Variants in SCUBE2 observed in about 807,000 individuals in gnomAD.
SCUBE2 encodes signal peptide, CUB domain and EGF like domain containing 2, also known as signal peptide, CUB and EGF-like domain-containing protein 2.
SCUBE2 carries 114 observed loss-of-function variants against 125.9 expected under a neutral mutation model. The observed-to-expected ratio is 0.91, with a 90% confidence interval of 0.78 to 1.06. The LOEUF (loss-of-function observed/expected upper bound fraction) is 1.06. Among genes scored for constraint, SCUBE2 ranks in the 50% least tolerant of loss-of-function variants. The pLI, the probability that SCUBE2 is intolerant of heterozygous loss-of-function variation, is 0.00. For missense variants in SCUBE2, 1,255 were observed against 1,301.8 expected (o/e 0.96, Z 0.55); for synonymous variants, 459 against 492.9 (o/e 0.93, Z 0.91).
intron 15 of SCUBE2, 129 bp downstream of exon 15, chr11:9,047,814 G>A (rs1396040756): frequency 2.5e-6 from 3 of 1,177,606 alleles, no homozygotes; most frequent in South Asian, 1.5e-5. Flanking sequence ...TTAGTTTCGG[G>A]GTGAAAAAAA....
At chr11:9,070,145 G>C (rs1860640104) in intron 4 of SCUBE2, among the ~76,000 whole-genome samples, 1 of 140,482 alleles carries the variant, frequency 7.1e-6, no homozygotes, top group Non-Finnish European at 1.5e-5. Flanking sequence ...AGGGAGAGAA[G>C]AGACAGAGAG....
chr11:9,066,734 T>A lies in SCUBE2; in HGVS notation c.723A>T (p.Pro241=), dbSNP rs1257226190. The change falls in exon 6 of 23, where the codon CCA becomes CCT. Residue 241 remains proline (P), a synonymous_variant. Coordinates refer to ENST00000649792, the MANE Select transcript of SCUBE2 (RefSeq NM_001367977.2). ...TADGPECSCH[P]QYKMHTDGRS... ...TCCCATCTGTGTGCATCTTGTACTG[T>A]GGATGGCAGCTGCACTCTGGGCCAT... is the stretch of plus-strand genomic sequence containing the variant. 2 of 1,614,174 alleles carry A rather than the reference T, an allele frequency of 1.2e-6. No homozygotes were observed. The highest frequency in any genetic ancestry group is 1.7e-6 in the Non-Finnish European group (2 of 1,180,004).
At chr11:9,034,402 T>C (rs984640786) in intron 16 of SCUBE2, among the ~76,000 whole-genome samples, 1 of 152,164 alleles carries the variant, frequency 6.6e-6, no homozygotes, top group African/African-American at 2.4e-5. Context: ...TTGGATTTTA[T>C]TGTCACAGGT....
intron 20 of SCUBE2, chr11:9,026,068 C>A: frequency 3.9e-6 from 2 of 506,900 alleles, no homozygotes; most frequent in Non-Finnish European, 6.9e-6. Flanking sequence ...CCTGAAAGAC[C>A]TGGGGCTTGG....
chr11:9,075,205 TAAAAAAAAA>T (rs5789594), intron 3 of SCUBE2, among the ~76,000 whole-genome samples: 4 of 123,950 alleles, frequency 3.2e-5, no homozygotes, highest in African/African-American at 1.3e-4. Context: ...AGACGCCATC[TAAAAAAAAA>T]AAAAAAAAAA....
At chr11:9,030,328 A>C (rs1057244441) in intron 18 of SCUBE2, 2 of 483,848 alleles carry the variant, frequency 4.1e-6, no homozygotes, top group Non-Finnish European at 7.5e-6. Context: ...GTCTTCATGC[A>C]GAGCACGTCT....
At chr11:9,030,078 AAAAG>A (rs1856169358) in intron 18 of SCUBE2, 33 bp from the exon 19 acceptor site, 3 of 1,595,564 alleles carry the variant, frequency 1.9e-6, no homozygotes, top group Non-Finnish European at 1.7e-6. Flanking sequence ...AAGAATGAAA[AAAAG>A]AAAGATTATT....
intron 13 of SCUBE2, among the ~76,000 whole-genome samples, chr11:9,052,536 C>T (rs190155543): frequency 6.0e-4 from 92 of 152,336 alleles, no homozygotes; most frequent in African/African-American, 2.1e-3. Context: ...AGCCTCCTGA[C>T]ACACAGTGGC....
intron 16 of SCUBE2, among the ~76,000 whole-genome samples, chr11:9,036,577 C>T (rs541644782): frequency 6.6e-5 from 10 of 152,312 alleles, no homozygotes; most frequent in East Asian, 1.9e-4. Context: ...TACTCATCCA[C>T]GGAAGGGAAA....
At position 9,021,294 on chromosome 11, in the gene SCUBE2, T is replaced by TG. The variant is rs1201027894; in HGVS notation, c.2935-98dup. ...AATGACCCAGTATTAGGCCGTAGCT[T>TG]GCTTAGCTGAAAAACACTTGCAAAA... is the stretch of plus-strand genomic sequence containing the variant. On this transcript the variant is annotated intron_variant, in intron 22 of 22. Coordinates refer to ENST00000649792, the MANE Select transcript of SCUBE2 (RefSeq NM_001367977.2). The TG allele has an allele frequency of 4.8e-6, 5 of 1,042,216 alleles. No individual in the cohort carries two copies. In the African/African-American group the frequency reaches 8.2e-5, roughly 17 times the overall value. The allele number at this position is 1,042,216 out of a possible 1,614,324, so 64.6% of individuals were successfully genotyped here.
In SCUBE2 at chr11:9,047,518, G is replaced by A. The variant is rs1375971795; in HGVS notation, c.1840C>T (p.Leu614Phe). 6.2e-7 allele frequency: 1 copy of A among 1,614,026 alleles called. No individual in the cohort carries two copies. The highest frequency in any genetic ancestry group is 1.1e-5 in the South Asian group (1 of 91,056). The change falls in exon 16 of 23, where the codon CTC becomes TTC. Residue 614 changes from leucine (L) to phenylalanine (F), a missense_variant. Physicochemically the swap from Leu to Phe is conservative, Grantham distance 22. Transcript: ENST00000649792. ...CTGAGCGTGCGGATGGCTTTACGGA[G>A]CCGCTTCTCGGTTCGCTTTACGATG... is the stretch of plus-strand genomic sequence containing the variant. Reference protein sequence around the residue: ...SCIVKRTEKRLRKAIRTLRKA... With the variant: ...SCIVKRTEKRFRKAIRTLRKA...
intron 17 of SCUBE2, 147 bp downstream of exon 17, chr11:9,033,479 T>A: frequency 4.8e-6 from 4 of 825,026 alleles, no homozygotes; most frequent in Non-Finnish European, 7.8e-6. Context: ...TAGGCACTGG[T>A]GAGCCAAAGA....
In SCUBE2 at chr11:9,076,445, T is replaced by C. The variant is rs189346015; in HGVS notation, c.383-1830A>G. The stretch of plus-strand genomic sequence containing the variant: ...CTACCTCTACTAGATTGCAAACTCC[T>C]TGAGGACAGAGATTTTTGTTTTAAT... On this transcript the variant is annotated intron_variant, in intron 3 of 22. Transcript: ENST00000649792. Among the ~76,000 whole-genome samples the C allele has an allele frequency of 4.3e-3, 652 of 152,110 alleles. 3 individuals are homozygous for C. Among genetic ancestry groups the C allele is most frequent in the African/African-American group, 0.015 (625 of 41,488 alleles).
chr11:9,066,847 G>A (rs765526815), intron 5 of SCUBE2, 34 bp from the exon 6 acceptor site: 2 of 1,530,402 alleles, frequency 1.3e-6, no homozygotes, highest in African/African-American at 2.7e-5. Flanking sequence ...ATAAAGCACT[G>A]AGATTTCCAC....
chr11:9,059,247 C>A, intron 9 of SCUBE2, 56 bp downstream of exon 9: 1 of 1,583,706 alleles, frequency 6.3e-7, no homozygotes. Context: ...GTGCTACGTT[C>A]TCTCTGCTCC....
At chr11:9,052,281 T>C (rs903526994) in intron 13 of SCUBE2, among the ~76,000 whole-genome samples, 1 of 152,262 alleles carries the variant, frequency 6.6e-6, no homozygotes, top group African/African-American at 2.4e-5. Context: ...CAAAGGCGTC[T>C]ATATCCGGGA....
chr11:9,069,561 G>T (rs1860582654), intron 4 of SCUBE2, 66 bp from the exon 5 acceptor site: 18 of 1,601,954 alleles, frequency 1.1e-5, no homozygotes, highest in Non-Finnish European at 1.5e-5. Flanking sequence ...TGGGAGAGCG[G>T]CAAAGGGCTA....
At chr11:9,089,871 C>G (rs1862485269) in intron 1 of SCUBE2, 42 bp from the exon 2 acceptor site, 1 of 1,604,574 alleles carries the variant, frequency 6.2e-7, no homozygotes, top group African/African-American at 1.3e-5. Context: ...GGCTCCCAGG[C>G]CATGTGTGAT....
In SCUBE2 at chr11:9,030,243, G is replaced by A. The variant is rs946577271; in HGVS notation, c.2342-198C>T. The A allele has an allele frequency of 6.6e-6, 4 of 610,096 alleles. No homozygotes were observed. In the Admixed American group the frequency reaches 8.9e-5, roughly 14 times the overall value. 37.8% of individuals were successfully genotyped at this position (610,096 alleles called of 1,614,324 possible). On this transcript the variant is annotated intron_variant, in intron 18 of 22. Coordinates refer to ENST00000649792, the MANE Select transcript of SCUBE2 (RefSeq NM_001367977.2). The stretch of plus-strand genomic sequence containing the variant: ...GGGGCTCATGAAATAGAGAAATATA[G>A]AGGAACAAGATATGTGTGTATCTCC...
Sources: allele counts gnomAD v4.1 joint callset (sites outside exome capture counted in the v4.1 genomes callset), GRCh38; gene constraint gnomAD v4.1.1; transcripts MANE v1.5; gene names NCBI Gene and HGNC (gene_info 2026-07-23, HGNC 2026-07-21).